The following IREB2 variants were observed in gnomAD, a reference collection of about 807,000 sequenced individuals.
The protein encoded by IREB2 is iron responsive element binding protein 2.
A neutral mutation model predicts 118.8 loss-of-function variants in IREB2; 39 were observed. The ratio of observed to expected loss-of-function variants is 0.33; its 90% confidence interval spans 0.25 to 0.43. IREB2 has a LOEUF of 0.43. Ranked by LOEUF, IREB2 falls within the 20% of genes least tolerant of loss-of-function variation. IREB2 has a pLI of 1.00. For missense variants in IREB2, 900 were observed against 1,147.3 expected (o/e 0.78, Z 3.11); for synonymous variants, 372 against 392.2 (o/e 0.95, Z 0.61).
chr15:78,460,868 G>A (rs1004610490), intron 2 of IREB2, among the ~76,000 whole-genome samples: 6 of 151,672 alleles, frequency 4.0e-5, no homozygotes, highest in South Asian at 4.1e-4. Flanking sequence ...AAAAATTAAC[G>A]TGCGCTATTG....
chr15:78,471,638 T>C, intron 6 of IREB2, 103 bp from the exon 7 acceptor site: 1 of 636,876 alleles, frequency 1.6e-6, no homozygotes. Context: ...ATTTACCATA[T>C]TGAACATTAG....
intron 3 of IREB2, among the ~76,000 whole-genome samples, chr15:78,463,363 C>T (rs1448937860): frequency 1.3e-5 from 2 of 152,054 alleles, no homozygotes; most frequent in Non-Finnish European, 2.9e-5. Flanking sequence ...ATTACTTAAG[C>T]CCAGGAGGTT....
Position 78,490,510 on chromosome 15 carries a change from C to A in IREB2, c.2165C>A (p.Ser722Ter). ...DLKSTYIRCPSFFDKLTKEPI... is the reference protein window; with the variant it reads ...DLKSTYIRCP Reference sequence around the variant, plus strand: ...AAGTCTACTTATATCAGATGCCCTTCATTTTTTGATAAACTTGTAAGTACT... The same window carrying A: ...AAGTCTACTTATATCAGATGCCCTTAATTTTTTGATAAACTTGTAAGTACT... The change falls in exon 17 of 22, where the codon TCA (serine) becomes TAA (stop). Residue 722 changes from serine to a stop codon, truncating the protein, a stop_gained. Coordinates refer to ENST00000258886, the MANE Select transcript of IREB2 (RefSeq NM_004136.4). LOFTEE classifies it high-confidence loss of function. 1 of 1,604,412 alleles carries A rather than the reference C, an allele frequency of 6.2e-7. No individual in the cohort carries two copies. Among genetic ancestry groups the A allele is most frequent in the South Asian group, 1.1e-5 (1 of 89,336 alleles).
chr15:78,464,293 T>TTTGCCTGATC (rs2051245314), intron 3 of IREB2, among the ~76,000 whole-genome samples: 1 of 152,174 alleles, frequency 6.6e-6, no homozygotes, highest in African/African-American at 2.4e-5. Context: ...TCTGAAAGAT[T>TTTGCCTGATC]TTGCCTGATC....
intron 5 of IREB2, among the ~76,000 whole-genome samples, chr15:78,469,885 A>T (rs1024123867): frequency 7.2e-5 from 11 of 152,222 alleles, no homozygotes; most frequent in Admixed American, 2.0e-4. Context: ...AATAATTTTT[A>T]AAAATAACTA....
In IREB2 at chr15:78,490,544, A is replaced by G. The variant is rs752242533; in HGVS notation, c.2181+18A>G. Reference sequence around the variant, plus strand: ...ATAAACTTGTAAGTACTGTTTTACTATTTGATCTTTTAAAGATTGTTATAA... The same window carrying G: ...ATAAACTTGTAAGTACTGTTTTACTGTTTGATCTTTTAAAGATTGTTATAA... On this transcript the variant is annotated intron_variant, in intron 17 of 21. Coordinates refer to ENST00000258886, the MANE Select transcript of IREB2 (RefSeq NM_004136.4). 1.2e-6 allele frequency: 2 copies of G among 1,602,720 alleles called. No individual in the cohort carries two copies. The highest frequency in any genetic ancestry group is 8.5e-7 in the Non-Finnish European group (1 of 1,174,230).
chr15:78,441,918 T>C (rs1281526560), intron 2 of IREB2, among the ~76,000 whole-genome samples: 1 of 151,768 alleles, frequency 6.6e-6, no homozygotes, highest in African/African-American at 2.4e-5. Flanking sequence ...ATTTTACTTA[T>C]TTTTTTGAGA....
At chr15:78,438,711 C>G (rs1344181136) in intron 1 of IREB2, 5 of 370,698 alleles carry the variant, frequency 1.3e-5, no homozygotes, top group East Asian at 5.3e-5. Flanking sequence ...TGCCCGCCCC[C>G]CATTGGCGAG....
upstream of IREB2, chr15:78,437,546 G>T: frequency 6.5e-6 from 1 of 152,842 alleles, no homozygotes. Flanking sequence ...GATAAGAAGT[G>T]GGTGGGGGAG....
intron 2 of IREB2, among the ~76,000 whole-genome samples, chr15:78,444,064 A>G (rs144789192): frequency 4.0e-4 from 61 of 152,146 alleles, no homozygotes; most frequent in African/African-American, 1.3e-3. Flanking sequence ...AACTCTTTAA[A>G]AAAAAAAATT....
chr15:78,496,645 T>C (rs1319481142), intron 20 of IREB2, among the ~76,000 whole-genome samples: 7 of 152,120 alleles, frequency 4.6e-5, no homozygotes, highest in Admixed American at 4.6e-4. Flanking sequence ...CCCAGGCTGG[T>C]CTCAAACTCC....
In IREB2 at chr15:78,500,588, C is replaced by T. The variant is rs963449672; in HGVS notation, c.*2445C>T. ...TGTAATGTCAGACACACAAGAAAAG[C>T]AAATCAGTGTTGTAAGCTTAAAGTA... On this transcript the variant is annotated 3_prime_UTR_variant, in exon 22 of 22. Coordinates refer to ENST00000258886, the MANE Select transcript of IREB2 (RefSeq NM_004136.4). The T allele has an allele frequency of 1.2e-4, 18 of 145,840 alleles. No homozygotes were observed. The highest frequency in any genetic ancestry group is 5.5e-4 in the Admixed American group (8 of 14,646). 9.0% of individuals were successfully genotyped at this position (145,840 alleles called of 1,614,324 possible). A position where few individuals can be genotyped will look rare whatever the true frequency, so the allele number is the denominator to read the frequency against.
upstream of IREB2, chr15:78,437,626 C>G (rs1354694676): frequency 1.3e-5 from 2 of 152,778 alleles, no homozygotes; most frequent in Non-Finnish European, 2.9e-5. Flanking sequence ...GTGGAGAACA[C>G]AGGGACCGGA....
intron 18 of IREB2, among the ~76,000 whole-genome samples, chr15:78,491,356 T>C (rs915329609): frequency 3.3e-5 from 5 of 152,198 alleles, no homozygotes; most frequent in African/African-American, 1.2e-4. Context: ...ATCAAAGGAC[T>C]GTTTTGACAA....
At chr15:78,444,496 C>T (rs2050896436) in intron 2 of IREB2, among the ~76,000 whole-genome samples, 1 of 151,978 alleles carries the variant, frequency 6.6e-6, no homozygotes, top group African/African-American at 2.4e-5. Context: ...TTCTTTTGTC[C>T]TTCCTGTCTG....
chr15:78,449,719 C>G (rs1376169746), intron 2 of IREB2, among the ~76,000 whole-genome samples: 1 of 152,288 alleles, frequency 6.6e-6, no homozygotes. Flanking sequence ...GCTATTTAGC[C>G]TTGAATAGTA....
chr15:78,482,306 A>G (rs1028947210), intron 10 of IREB2, among the ~76,000 whole-genome samples: 14 of 152,230 alleles, frequency 9.2e-5, no homozygotes, highest in African/African-American at 3.1e-4. Context: ...ATATAAAATA[A>G]TGTTGAAAGC....
chr15:78,499,237 C>T lies in IREB2; in HGVS notation c.*1094C>T, dbSNP rs1193242670. 6.6e-6 allele frequency: 1 copy of T among 152,146 alleles called. No homozygotes were observed. Among genetic ancestry groups the T allele is most frequent in the Non-Finnish European group, 1.5e-5 (1 of 68,028 alleles). 9.4% of individuals were successfully genotyped at this position (152,146 alleles called of 1,614,324 possible). A position where few individuals can be genotyped will look rare whatever the true frequency, so the allele number is the denominator to read the frequency against. ...CAAAGCTGACCGTAAGGATAAAACA[C>T]TTAAGTTGTTGCTGAGTACTATATA... On this transcript the variant is annotated 3_prime_UTR_variant, in exon 22 of 22. Coordinates refer to ENST00000258886, the MANE Select transcript of IREB2 (RefSeq NM_004136.4).
intron 2 of IREB2, among the ~76,000 whole-genome samples, chr15:78,442,791 C>T (rs1434948380): frequency 3.3e-5 from 5 of 152,202 alleles, no homozygotes; most frequent in Non-Finnish European, 7.3e-5. Flanking sequence ...TTGGTTGCAC[C>T]TCCAGGCATT....
Sources: gnomAD v4.1 joint callset for allele counts (sites outside exome capture counted in the v4.1 genomes callset) on GRCh38, gnomAD v4.1.1 for gene constraint, MANE v1.5 for transcripts, NCBI Gene and HGNC (gene_info 2026-07-23, HGNC 2026-07-21) for gene names.